The following SVOPL variants were observed in gnomAD, a reference collection of about 807,000 sequenced individuals.
The protein encoded by SVOPL is SVOP like.
SVOPL carries 60 observed loss-of-function variants against 61.0 expected under a neutral mutation model. The ratio of observed to expected loss-of-function variants is 0.98; its 90% CI spans 0.80 to 1.22. The LOEUF (loss-of-function observed/expected upper bound fraction) is 1.22, where lower values mean the gene tolerates loss of function less well. Ranked by LOEUF, SVOPL falls within the 50% of genes most tolerant of loss-of-function variation. SVOPL has a pLI of 0.00. For missense variants in SVOPL, 662 were observed against 643.9 expected, an observed-to-expected ratio of 1.03 and a Z score of -0.30; for synonymous variants, 279 against 250.0, an observed-to-expected ratio of 1.12 and a Z score of -1.09.
intron 14 of SVOPL, chr7:138,596,848 T>C: frequency 9.0e-7 from 1 of 1,105,052 alleles, no homozygotes; most frequent in Non-Finnish European, 1.1e-6. Flanking sequence ...CCCCACCCCC[T>C]TTCTCATACC....
intron 9 of SVOPL, among the ~76,000 whole-genome samples, chr7:138,641,231 A>T (rs1341279482): frequency 9.9e-4 from 3 of 3,024 alleles, no homozygotes; most frequent in Admixed American, 4.7e-3. Context: ...GAAATTATTA[A>T]AAAAAAAAAA....
intron 14 of SVOPL, among the ~76,000 whole-genome samples, chr7:138,620,697 A>C (rs565934003): frequency 6.6e-6 from 1 of 152,112 alleles, no homozygotes; most frequent in South Asian, 2.1e-4. Flanking sequence ...CCACCTGGAC[A>C]ACTGACCAGA....
At chr7:138,635,832 C>T (rs967935670) in intron 9 of SVOPL, among the ~76,000 whole-genome samples, 1 of 152,052 alleles carries the variant, frequency 6.6e-6, no homozygotes, top group Non-Finnish European at 1.5e-5. Context: ...TTGGCAATTG[C>T]TGTTAAGAGG....
At position 138,631,461 on chromosome 7, in the gene SVOPL, C is replaced by G. The variant is rs570224509; in HGVS notation, c.790-1339G>C. On this transcript the variant is annotated intron_variant, in intron 9 of 15. Transcript: ENST00000674285. ...TTCTGGTACACATTAACCATCCCCA[C>G]CTCCCCCCATCCTTCCACTATTCTT... Among the ~76,000 whole-genome samples the G allele has an allele frequency of 3.9e-5, 6 of 152,216 alleles. No homozygotes were observed. The East Asian group carries it at 1.2e-3, about 29-fold the overall frequency.
chr7:138,668,760 C>A (rs114191069), intron 4 of SVOPL, among the ~76,000 whole-genome samples: 8 of 152,180 alleles, frequency 5.3e-5, no homozygotes, highest in African/African-American at 1.4e-4. Context: ...TGCCACCTTC[C>A]GGGGCTACTC....
rs1012500810 is a variant in SVOPL at position 138,610,222 on chromosome 7, TTTCC to T, written c.1353+10820_1353+10823del. On this transcript the variant is annotated intron_variant, in intron 14 of 15. Transcript: ENST00000674285. ...CAAAAGATCTTTTTCTTCCTTTTCCTTTCCTTCCTTCCTTTTCTTTTCTTTCTCC... is the reference window on the plus strand; with the variant it reads ...CAAAAGATCTTTTTCTTCCTTTTCCTTTCCTTCCTTTTCTTTTCTTTCTCC... 3.7e-4 allele frequency among the ~76,000 whole-genome samples: 56 copies of T among 152,284 alleles called. 1 individual carries two copies. The highest frequency in any genetic ancestry group is 1.3e-3 in the African/African-American group (55 of 41,550).
intron 13 of SVOPL, among the ~76,000 whole-genome samples, chr7:138,621,808 A>G (rs1274918954): frequency 1.7e-5 from 2 of 115,164 alleles, no homozygotes; most frequent in Non-Finnish European, 3.8e-5. Context: ...CTATGTATCT[A>G]TCTATGTATC....
At chr7:138,698,480 T>C (rs749163898) in intron 1 of SVOPL, among the ~76,000 whole-genome samples, 4 of 151,962 alleles carry the variant, frequency 2.6e-5, no homozygotes, top group Non-Finnish European at 4.4e-5. Context: ...ATGATGCAAA[T>C]TGAAAGACGG....
At chr7:138,653,362 C>T (rs954096169) in intron 7 of SVOPL, among the ~76,000 whole-genome samples, 67 of 152,122 alleles carry the variant, frequency 4.4e-4, no homozygotes, top group African/African-American at 1.1e-3. Context: ...AGGACATTCA[C>T]GGCTACAGAG....
At chr7:138,657,653 T>A (rs1251419364) in intron 6 of SVOPL, among the ~76,000 whole-genome samples, 1 of 152,208 alleles carries the variant, frequency 6.6e-6, no homozygotes. Context: ...ATTTTTAACA[T>A]ATTTATTGAG....
chr7:138,603,618 G>A (rs1798620132), intron 14 of SVOPL, among the ~76,000 whole-genome samples: 1 of 152,192 alleles, frequency 6.6e-6, no homozygotes, highest in Admixed American at 6.5e-5. Flanking sequence ...GTTGCAGTGA[G>A]CGGAGATTGC....
At chr7:138,607,817 G>C (rs537963859) in intron 14 of SVOPL, among the ~76,000 whole-genome samples, 61 of 152,232 alleles carry the variant, frequency 4.0e-4, no homozygotes, top group Non-Finnish European at 7.1e-4. Flanking sequence ...AGCATCAAGG[G>C]ATAAATAGAA....
At chr7:138,655,683 T>C (rs1801695407) in intron 7 of SVOPL, among the ~76,000 whole-genome samples, 1 of 149,440 alleles carries the variant, frequency 6.7e-6, no homozygotes, top group Admixed American at 6.8e-5. Flanking sequence ...AATTTACATA[T>C]ATGTACATGC....
At chr7:138,637,380 A>T (rs990301550) in intron 9 of SVOPL, among the ~76,000 whole-genome samples, 7 of 151,226 alleles carry the variant, frequency 4.6e-5, no homozygotes, top group Admixed American at 3.3e-4. Flanking sequence ...GTGAGCCAAG[A>T]TCACTCCACT....
chr7:138,613,965 C>T (rs1343099155), intron 14 of SVOPL, among the ~76,000 whole-genome samples: 1 of 152,212 alleles, frequency 6.6e-6, no homozygotes, highest in Non-Finnish European at 1.5e-5. Flanking sequence ...AGCTCCAGCA[C>T]ACCACTGGCA....
chr7:138,596,322 G>A (rs1798276289), intron 15 of SVOPL, 95 bp downstream of exon 15: 1 of 972,534 alleles, frequency 1.0e-6, no homozygotes. Context: ...TGAATTATTA[G>A]TTATTTTAAC....
chr7:138,674,623 G>A (rs562162027), intron 3 of SVOPL, among the ~76,000 whole-genome samples: 7 of 152,058 alleles, frequency 4.6e-5, no homozygotes, highest in African/African-American at 1.2e-4. Context: ...TTGGGAGGCC[G>A]AGGCGGGCAG....
intron 9 of SVOPL, among the ~76,000 whole-genome samples, chr7:138,641,817 TATATATATATATATATAAC>T (rs1279432392): frequency 1.5e-5 from 2 of 129,584 alleles, no homozygotes; most frequent in Non-Finnish European, 3.3e-5. Flanking sequence ...ATATATGTTA[TATATATATATATATATAAC>T]ATATATATAT....
At chr7:138,684,687 AT>A (rs1421510309) in intron 1 of SVOPL, among the ~76,000 whole-genome samples, 1 of 152,222 alleles carries the variant, frequency 6.6e-6, no homozygotes, top group Non-Finnish European at 1.5e-5. Context: ...TGCAGCCACT[AT>A]GGAAAACAGT....
Sources: allele counts gnomAD v4.1 joint callset (sites outside exome capture counted in the v4.1 genomes callset), GRCh38; gene constraint gnomAD v4.1.1; transcripts MANE v1.5; gene names NCBI Gene and HGNC (gene_info 2026-07-23, HGNC 2026-07-21).